Variants in SOX5 observed in about 807,000 individuals in gnomAD.
SOX5 encodes transcription factor SOX-5.
SOX5 carries 9 observed loss-of-function variants against 92.0 expected under a neutral mutation model. That is an observed-to-expected ratio of 0.10 (90% CI 0.06 to 0.17). The LOEUF (loss-of-function observed/expected upper bound fraction) is 0.17, where lower values mean the gene tolerates loss of function less well. Among genes scored for constraint, SOX5 ranks in the 10% least tolerant of loss-of-function variants. SOX5 has a pLI of 1.00. For missense variants in SOX5, 642 were observed against 944.5 expected (o/e 0.68, Z 4.20); for synonymous variants, 344 against 336.3 (o/e 1.02, Z -0.25).
chr12:23,807,140 A>G (rs1214331319), intron 3 of SOX5, among the ~76,000 whole-genome samples: 1 of 152,168 alleles, frequency 6.6e-6, no homozygotes, highest in Admixed American at 6.6e-5. Flanking sequence ...TGTGACATCA[A>G]TTTAAACTCA....
At position 24,525,019 on chromosome 12, in the gene SOX5, A is replaced by G. The variant is rs926380794; in HGVS notation, c.-251+37310T>C. Among the ~76,000 whole-genome samples, 2 of 152,192 alleles carry G rather than the reference A, an allele frequency of 1.3e-5. 1 individual carries two copies. The highest frequency in any genetic ancestry group is 4.1e-4 in the South Asian group (2 of 4,834). ...TCAAAAAATTAAAAATAGAACTATC[A>G]TATTATCCAGTAGTTGCACTTCTGG... On this transcript the variant is annotated intron_variant, in intron 1 of 4. Coordinates refer to the SOX5 transcript ENST00000446891.
chr12:23,644,054 T>C (rs1592886102), intron 7 of SOX5, among the ~76,000 whole-genome samples: 2 of 152,190 alleles, frequency 1.3e-5, no homozygotes, highest in Admixed American at 6.5e-5. Context: ...CTGGGTCTGG[T>C]AATTGCCTTC....
chr12:23,822,616 C>T (rs1388900446), intron 3 of SOX5, among the ~76,000 whole-genome samples: 1 of 152,192 alleles, frequency 6.6e-6, no homozygotes, highest in Non-Finnish European at 1.5e-5. Flanking sequence ...GTGGAGAGTT[C>T]TGTAGCTGTC....
rs59190194 is a variant in SOX5 at position 23,992,533 on chromosome 12, T to C, written c.-1-96509A>G. On this transcript the variant is annotated intron_variant, in intron 4 of 4. Coordinates refer to the SOX5 transcript ENST00000446891. ...TCACCAGATGTTTAATCTTTTTTTA[T>C]TCCATAAATGCATCATCTACTTTTC... Among the ~76,000 whole-genome samples, 19 of 152,314 alleles carry C rather than the reference T, an allele frequency of 1.2e-4. No individual in the cohort carries two copies. In the East Asian group the frequency reaches 3.3e-3, roughly 26 times the overall value.
intron 1 of SOX5, among the ~76,000 whole-genome samples, chr12:24,388,795 C>A (rs1451854137): frequency 6.6e-6 from 1 of 152,022 alleles, no homozygotes; most frequent in African/African-American, 2.4e-5. Flanking sequence ...CCCAGGTAGC[C>A]ATGAATGTAC....
chr12:24,383,644 C>G (rs1958057579), intron 1 of SOX5, among the ~76,000 whole-genome samples: 1 of 152,208 alleles, frequency 6.6e-6, no homozygotes, highest in Non-Finnish European at 1.5e-5. Context: ...GCTTGGTTAT[C>G]AGATCCAGCG....
intron 6 of SOX5, among the ~76,000 whole-genome samples, chr12:23,716,621 A>T (rs961920266): frequency 6.6e-6 from 1 of 152,190 alleles, no homozygotes; most frequent in Non-Finnish European, 1.5e-5. Context: ...GAGTGCTAAG[A>T]GGAAGCACAA....
intron 4 of SOX5, among the ~76,000 whole-genome samples, chr12:23,976,573 T>C (rs1415662909): frequency 6.6e-6 from 1 of 152,114 alleles, no homozygotes; most frequent in African/African-American, 2.4e-5. Context: ...AGAAGTAACA[T>C]GATTATAAGT....
chr12:23,583,156 C>A (rs919455772), intron 9 of SOX5, among the ~76,000 whole-genome samples: 15 of 151,992 alleles, frequency 9.9e-5, no homozygotes, highest in African/African-American at 4.8e-5. Flanking sequence ...TTCCTTTTTA[C>A]ATTTTCCTTC....
At chr12:23,738,547 T>G (rs1217940409) in intron 5 of SOX5, 5 of 152,108 alleles carry the variant, frequency 3.3e-5, no homozygotes, top group African/African-American at 1.2e-4. Flanking sequence ...GTTTGTAAAG[T>G]TCCAAGGAGA....
rs1360123026 is a variant in SOX5, at chr12:24,075,380, T to A, written c.-2+137963A>T. On this transcript the variant is annotated intron_variant, in intron 4 of 4. Transcript: ENST00000446891. ...ACATAAGTCTTAAATGAAAACTCAATATTATATTTGTCAATATGTTTTGAG... is the reference window on the plus strand; with the variant it reads ...ACATAAGTCTTAAATGAAAACTCAAAATTATATTTGTCAATATGTTTTGAG... 2.0e-5 allele frequency among the ~76,000 whole-genome samples: 3 copies of A among 149,842 alleles called. No individual in the cohort carries two copies. The East Asian group carries it at 6.0e-4, about 30-fold the overall frequency.
intron 4 of SOX5, among the ~76,000 whole-genome samples, chr12:24,067,914 G>A (rs543403337): frequency 2.6e-5 from 4 of 152,348 alleles, no homozygotes; most frequent in Admixed American, 1.3e-4. Flanking sequence ...GGAGGCCGAG[G>A]CGGGCGGATT....
At chr12:23,716,380 T>A (rs952341180) in intron 6 of SOX5, among the ~76,000 whole-genome samples, 1 of 152,208 alleles carries the variant, frequency 6.6e-6, no homozygotes, top group Non-Finnish European at 1.5e-5. Context: ...ATTTCATATG[T>A]ATGATAATGA....
chr12:23,925,261 CTG>C (rs896333975), intron 1 of SOX5, among the ~76,000 whole-genome samples: 2 of 152,112 alleles, frequency 1.3e-5, no homozygotes, highest in African/African-American at 4.8e-5. Context: ...CTTGATAATT[CTG>C]TGTGTGTTAC....
chr12:24,190,005 C>A (rs1434182990), intron 4 of SOX5, among the ~76,000 whole-genome samples: 1 of 152,110 alleles, frequency 6.6e-6, no homozygotes, highest in Admixed American at 6.6e-5. Flanking sequence ...GGAATGATAT[C>A]ATTACCTTGC....
intron 4 of SOX5, among the ~76,000 whole-genome samples, chr12:24,120,555 T>C (rs1344420377): frequency 6.6e-6 from 1 of 152,126 alleles, no homozygotes; most frequent in African/African-American, 2.4e-5. Context: ...ATGATTTTAT[T>C]TGGAAAGAAA....
chr12:24,291,143 C>T (rs1263310795), intron 2 of SOX5, among the ~76,000 whole-genome samples: 2 of 151,996 alleles, frequency 1.3e-5, no homozygotes, highest in Admixed American at 1.3e-4. Context: ...ACTGGGCAGT[C>T]AATAAAATAA....
intron 1 of SOX5, among the ~76,000 whole-genome samples, chr12:24,545,194 C>A (rs1952506675): frequency 6.6e-6 from 1 of 152,010 alleles, no homozygotes; most frequent in African/African-American, 2.4e-5. Flanking sequence ...GTAGGTCCAA[C>A]AAGCTGTCCT....
At chr12:23,978,343 C>G (rs1949149914) in intron 4 of SOX5, among the ~76,000 whole-genome samples, 1 of 152,056 alleles carries the variant, frequency 6.6e-6, no homozygotes, top group Admixed American at 6.6e-5. Flanking sequence ...TAAAACATAT[C>G]AAAGTTTAAA....
Sources: allele counts gnomAD v4.1 joint callset (sites outside exome capture counted in the v4.1 genomes callset), GRCh38; gene constraint gnomAD v4.1.1; transcripts MANE v1.5; gene names NCBI Gene and HGNC (gene_info 2026-07-23, HGNC 2026-07-21).